DAAM1: variants seen among roughly 807,000 people sequenced by gnomAD.
DAAM1 encodes disheveled-associated activator of morphogenesis 1.
A neutral mutation model predicts 130.0 loss-of-function variants in DAAM1; 52 were observed. That is an observed-to-expected ratio of 0.40 (90% CI 0.32 to 0.50). The LOEUF (loss-of-function observed/expected upper bound fraction) is 0.50. Among genes scored for constraint, DAAM1 ranks in the 20% least tolerant of loss-of-function variants. DAAM1 has a pLI of 0.61. For missense variants in DAAM1, 1,134 were observed against 1,303.8 expected (o/e 0.87, Z 2.01); for synonymous variants, 452 against 444.5 (o/e 1.02, Z -0.21).
intron 1 of DAAM1, among the ~76,000 whole-genome samples, chr14:59,216,874 A>G (rs1228778377): frequency 6.6e-6 from 1 of 151,900 alleles, no homozygotes; most frequent in Admixed American, 6.6e-5. Context: ...TTGGAACTAT[A>G]AAGAATTGAA....
At chr14:59,355,376 A>T (rs375129713) in intron 20 of DAAM1, 43 bp downstream of exon 20, 47 of 1,608,552 alleles carry the variant, frequency 2.9e-5, no homozygotes, top group Non-Finnish European at 3.8e-5. Flanking sequence ...CCAGGTGTGT[A>T]GGTCCAGGCT....
intron 1 of DAAM1, among the ~76,000 whole-genome samples, chr14:59,210,781 AG>A (rs1888403345): frequency 6.6e-6 from 1 of 152,258 alleles, no homozygotes; most frequent in Admixed American, 6.5e-5. Flanking sequence ...CATAAAAACC[AG>A]GGAAATGATA....
At chr14:59,237,765 A>G (rs1398163751) in intron 1 of DAAM1, among the ~76,000 whole-genome samples, 2 of 152,212 alleles carry the variant, frequency 1.3e-5, no homozygotes, top group Admixed American at 1.3e-4. Context: ...TCACCAAAGC[A>G]GGAGCCAGTA....
intron 1 of DAAM1, among the ~76,000 whole-genome samples, chr14:59,197,457 A>G (rs1887934163): frequency 6.6e-6 from 1 of 152,222 alleles, no homozygotes; most frequent in Non-Finnish European, 1.5e-5. Context: ...TGACCGCACC[A>G]TGTTCTCAGA....
chr14:59,361,629 G>C (rs1486611890), intron 22 of DAAM1, among the ~76,000 whole-genome samples: 1 of 152,220 alleles, frequency 6.6e-6, no homozygotes, highest in Non-Finnish European at 1.5e-5. Context: ...AGTCAGGCTG[G>C]CAGACTGGAC....
At chr14:59,207,724 A>G (rs907148630) in intron 1 of DAAM1, among the ~76,000 whole-genome samples, 2 of 152,190 alleles carry the variant, frequency 1.3e-5, no homozygotes, top group African/African-American at 2.4e-5. Context: ...CTCAGATCAT[A>G]TTTTGAGAAC....
At position 59,193,715 on chromosome 14, in the gene DAAM1, G is replaced by A. The variant is rs1005490461; in HGVS notation, c.-38+4947G>A. 2.0e-5 allele frequency among the ~76,000 whole-genome samples: 3 copies of A among 152,104 alleles called. No individual in the cohort carries two copies. The East Asian group carries it at 5.8e-4, about 29-fold the overall frequency. On this transcript the variant is annotated intron_variant, in intron 1 of 24. Coordinates refer to ENST00000360909, the MANE Select transcript of DAAM1 (RefSeq NM_001270520.2). ...TCCTCATTGATGTTTAAGCGTTCCTGGTTTTTACTCTGTCTGTGACTTTCT... is the reference window on the plus strand; with the variant it reads ...TCCTCATTGATGTTTAAGCGTTCCTAGTTTTTACTCTGTCTGTGACTTTCT...
In DAAM1 at chr14:59,370,841, A is replaced by G. The variant is rs1426834473; in HGVS notation, c.*1982A>G. On this transcript the variant is annotated 3_prime_UTR_variant, in exon 25 of 25. Transcript: ENST00000360909. ...AGTGCCTCTATGTATATTCTTTTCT[A>G]TTTGTAGCAGGATAAATTTGGTCTG... 2.6e-5 allele frequency: 4 copies of G among 152,074 alleles called. No homozygotes were observed. The South Asian group carries it at 6.2e-4, about 24-fold the overall frequency. The allele number at this position is 152,074 out of a possible 1,614,324, so 9.4% of individuals were successfully genotyped here.
Position 59,268,144 on chromosome 14 carries a change from G to A in DAAM1, c.183+4484G>A, listed in dbSNP as rs984169938. Reference sequence around the variant, plus strand: ...TCTCGAACTCCTGACCTTGTGATCCGCCCACCTCAGCCTCCCAAAGTGCTG... The same window carrying A: ...TCTCGAACTCCTGACCTTGTGATCCACCCACCTCAGCCTCCCAAAGTGCTG... On this transcript the variant is annotated intron_variant, in intron 2 of 24. Coordinates refer to ENST00000360909, the MANE Select transcript of DAAM1 (RefSeq NM_001270520.2). Among the ~76,000 whole-genome samples, 8 of 151,898 alleles carry A rather than the reference G, an allele frequency of 5.3e-5. No homozygotes were observed. In the South Asian group the frequency reaches 8.3e-4, roughly 16 times the overall value.
intron 2 of DAAM1, among the ~76,000 whole-genome samples, chr14:59,268,920 A>C (rs1882585118): frequency 6.6e-6 from 1 of 152,230 alleles, no homozygotes; most frequent in South Asian, 2.1e-4. Context: ...TATCTCAGCC[A>C]ACCTATCCGA....
At chr14:59,215,126 C>T (rs546419194) in intron 1 of DAAM1, among the ~76,000 whole-genome samples, 10 of 152,168 alleles carry the variant, frequency 6.6e-5, no homozygotes, top group Non-Finnish European at 1.3e-4. Context: ...AAATTATTTT[C>T]ATATTGGCTC....
At chr14:59,344,015 T>C (rs765594581) in intron 16 of DAAM1, among the ~76,000 whole-genome samples, 1 of 152,176 alleles carries the variant, frequency 6.6e-6, no homozygotes, top group Non-Finnish European at 1.5e-5. Flanking sequence ...TTTACTCTGT[T>C]TTATTCCCCA....
At chr14:59,250,772 C>T (rs1314607092) in intron 1 of DAAM1, among the ~76,000 whole-genome samples, 1 of 152,208 alleles carries the variant, frequency 6.6e-6, no homozygotes, top group African/African-American at 2.4e-5. Flanking sequence ...ATACTTGAAA[C>T]AATTCTGGAA....
At chr14:59,285,692 G>T (rs1883419119) in intron 2 of DAAM1, among the ~76,000 whole-genome samples, 1 of 152,168 alleles carries the variant, frequency 6.6e-6, no homozygotes, top group African/African-American at 2.4e-5. Context: ...ATTGCATAAT[G>T]ATAAAGGGCC....
chr14:59,323,859 C>T (rs1020268709), intron 6 of DAAM1, among the ~76,000 whole-genome samples: 4 of 151,884 alleles, frequency 2.6e-5, no homozygotes, highest in Non-Finnish European at 5.9e-5. Flanking sequence ...AGTGAAACCC[C>T]GTCTCTACTA....
chr14:59,247,198 T>C (rs1337776157), intron 1 of DAAM1, among the ~76,000 whole-genome samples: 1 of 152,216 alleles, frequency 6.6e-6, no homozygotes, highest in Non-Finnish European at 1.5e-5. Flanking sequence ...CATTTAATCA[T>C]ATATTTGAGA....
chr14:59,258,511 T>C lies in DAAM1; in HGVS notation c.-37-4930T>C, dbSNP rs562302105. ...TTAAGTCTTACCTGTGAAATGAGAA[T>C]GATGAAATGAAGTGATGGGTGCGAA... is the stretch of plus-strand genomic sequence containing the variant. On this transcript the variant is annotated intron_variant, in intron 1 of 24. Coordinates refer to ENST00000360909, the MANE Select transcript of DAAM1 (RefSeq NM_001270520.2). Among the ~76,000 whole-genome samples the C allele has an allele frequency of 8.5e-5, 13 of 152,320 alleles. No homozygotes were observed. In the East Asian group the frequency reaches 2.1e-3, roughly 25 times the overall value.
rs753198564 is a variant in DAAM1, at chr14:59,347,534, T to C, written c.2076-5T>C. The C allele has an allele frequency of 3.7e-6, 6 of 1,612,862 alleles. No homozygotes were observed. The South Asian group carries it at 6.6e-5, about 18-fold the overall frequency. ...ATGGTTAATAACAAAATATTCTTTCTCCAGGTTGAAATTATCCAATGACGA... is the reference window on the plus strand; with the variant it reads ...ATGGTTAATAACAAAATATTCTTTCCCCAGGTTGAAATTATCCAATGACGA... On this transcript the variant is annotated splice_region_variant and splice_polypyrimidine_tract_variant and intron_variant, in intron 16 of 24. Transcript: ENST00000360909.
At chr14:59,282,180 C>T (rs1469122666) in intron 2 of DAAM1, among the ~76,000 whole-genome samples, 3 of 152,096 alleles carry the variant, frequency 2.0e-5, no homozygotes, top group Non-Finnish European at 4.4e-5. Context: ...AACATGTTCC[C>T]TCATAATGGA....
Sources: allele counts gnomAD v4.1 joint callset (sites outside exome capture counted in the v4.1 genomes callset), GRCh38; gene constraint gnomAD v4.1.1; transcripts MANE v1.5; gene names NCBI Gene and HGNC (gene_info 2026-07-23, HGNC 2026-07-21).